Variants in ITFG1 observed in about 807,000 individuals in gnomAD.
The protein encoded by ITFG1 is integrin alpha FG-GAP repeat containing 1.
Under a neutral mutation model 81.8 loss-of-function variants are expected in ITFG1, and 34 were observed. The observed-to-expected ratio is 0.42, with a 90% confidence interval of 0.32 to 0.55. The LOEUF (loss-of-function observed/expected upper bound fraction) is 0.55, where lower values mean the gene tolerates loss of function less well. Among genes scored for constraint, ITFG1 ranks in the 20% least tolerant of loss-of-function variants. The pLI is 0.17. For missense variants in ITFG1, 672 were observed against 755.4 expected, an observed-to-expected ratio of 0.89 and a Z score of 1.29; for synonymous variants, 285 against 270.6, an observed-to-expected ratio of 1.05 and a Z score of -0.52.
intron 8 of ITFG1, among the ~76,000 whole-genome samples, chr16:47,351,818 A>T (rs1967961090): frequency 6.6e-6 from 1 of 152,186 alleles, no homozygotes; most frequent in South Asian, 2.1e-4. Flanking sequence ...ACTATACTAC[A>T]AGGCTACAGT....
chr16:47,378,179 C>T (rs1030128411), intron 6 of ITFG1, among the ~76,000 whole-genome samples: 2 of 152,134 alleles, frequency 1.3e-5, no homozygotes, highest in African/African-American at 2.4e-5. Context: ...TTTGAAAGAA[C>T]TAAAACTGAG....
intron 10 of ITFG1, among the ~76,000 whole-genome samples, chr16:47,272,106 C>T (rs1045915594): frequency 3.3e-5 from 5 of 152,098 alleles, no homozygotes; most frequent in African/African-American, 4.8e-5. Context: ...CTACACACTA[C>T]GACATAGAAA....
intron 6 of ITFG1, among the ~76,000 whole-genome samples, chr16:47,409,889 A>G (rs368817892): frequency 2.0e-5 from 3 of 152,208 alleles, no homozygotes; most frequent in Non-Finnish European, 2.9e-5. Context: ...TTATACAACA[A>G]GCTGGAGATA....
chr16:47,187,887 A>C (rs1355764163), intron 14 of ITFG1, among the ~76,000 whole-genome samples: 1 of 151,976 alleles, frequency 6.6e-6, no homozygotes, highest in Non-Finnish European at 1.5e-5. Flanking sequence ...AATATCCAGA[A>C]TCTACAATGA....
At chr16:47,291,018 TG>T (rs1292054074) in intron 10 of ITFG1, among the ~76,000 whole-genome samples, 1 of 142 alleles carries the variant, frequency 7.0e-3, no homozygotes, top group East Asian at 0.12. Flanking sequence ...TATTGTCCTG[TG>T]GCCTGCTAGA....
intron 5 of ITFG1, among the ~76,000 whole-genome samples, chr16:47,436,067 T>C (rs1160600071): frequency 6.6e-6 from 1 of 152,168 alleles, no homozygotes; most frequent in African/African-American, 2.4e-5. Flanking sequence ...TTGTACATCT[T>C]TCCCTTTTAT....
chr16:47,245,032 C>T (rs191217203), intron 12 of ITFG1, among the ~76,000 whole-genome samples: 21 of 152,244 alleles, frequency 1.4e-4, no homozygotes, highest in Non-Finnish European at 2.1e-4. Context: ...CAGACTAATA[C>T]ACATACATAC....
At chr16:47,293,416 T>C (rs973992326) in intron 10 of ITFG1, among the ~76,000 whole-genome samples, 1 of 151,964 alleles carries the variant, frequency 6.6e-6, no homozygotes, top group South Asian at 2.1e-4. Context: ...TTTTAGTTCT[T>C]TGTGAAGTCT....
intron 14 of ITFG1, among the ~76,000 whole-genome samples, chr16:47,185,542 A>C (rs1173450449): frequency 7.9e-5 from 12 of 152,314 alleles, no homozygotes; most frequent in Non-Finnish European, 1.5e-5. Flanking sequence ...AGGCAGAAAT[A>C]AAGATGTTCT....
At chr16:47,412,285 T>C (rs1423987917) in intron 6 of ITFG1, among the ~76,000 whole-genome samples, 2 of 151,996 alleles carry the variant, frequency 1.3e-5, no homozygotes, top group Non-Finnish European at 2.9e-5. Context: ...ATGACAGTCA[T>C]AGAATTCAGA....
At chr16:47,312,923 AT>A (rs1967289589) in intron 9 of ITFG1, 1 of 152,210 alleles carries the variant, frequency 6.6e-6, no homozygotes, top group Non-Finnish European at 1.5e-5. Context: ...TTATGAACCA[AT>A]GATAGTTACT....
At chr16:47,254,625 T>A (rs924623044) in intron 12 of ITFG1, among the ~76,000 whole-genome samples, 5 of 152,162 alleles carry the variant, frequency 3.3e-5, no homozygotes, top group Admixed American at 3.3e-4. Flanking sequence ...ACTTTTAGTA[T>A]AAAAGTAGTT....
At chr16:47,276,201 G>A (rs1966397003) in intron 10 of ITFG1, among the ~76,000 whole-genome samples, 1 of 152,008 alleles carries the variant, frequency 6.6e-6, no homozygotes, top group Non-Finnish European at 1.5e-5. Flanking sequence ...TCAGATTGAT[G>A]AATATAAGAT....
chr16:47,423,413 G>C (rs1012173579), intron 6 of ITFG1, among the ~76,000 whole-genome samples: 4 of 152,002 alleles, frequency 2.6e-5, no homozygotes, highest in Non-Finnish European at 4.4e-5. Flanking sequence ...CTTTAAACTG[G>C]GGCATTTAGC....
At chr16:47,384,242 T>TA (rs1202042751) in intron 6 of ITFG1, among the ~76,000 whole-genome samples, 1 of 152,218 alleles carries the variant, frequency 6.6e-6, no homozygotes, top group African/African-American at 2.4e-5. Context: ...CAAAACATGA[T>TA]ACAGGTGGTC....
At chr16:47,445,298 T>C (rs1969310950) in intron 5 of ITFG1, among the ~76,000 whole-genome samples, 1 of 147,886 alleles carries the variant, frequency 6.8e-6, no homozygotes, top group South Asian at 2.2e-4. Flanking sequence ...TTGATATCTA[T>C]GGGTTTTCAC....
At position 47,313,737 on chromosome 16, in the gene ITFG1, T is replaced by A; in HGVS notation, c.889A>T (p.Met297Leu). 6.4e-7 allele frequency: 1 copy of A among 1,573,070 alleles called. No homozygotes were observed. The highest frequency in any genetic ancestry group is 8.7e-7 in the Non-Finnish European group (1 of 1,148,812). The change falls in exon 9 of 18, where the codon ATG (methionine) becomes TTG (leucine). Residue 297 changes from methionine (M) to leucine (L), a missense_variant. Physicochemically the swap from Met to Leu is conservative, Grantham distance 15. Transcript: ENST00000320640. The part of the protein sequence containing the change: ...KSTIYLVRSG[M>L]KQWVPVLQDF... Reference sequence around the variant, plus strand: ...AAAACAACTTGATATACCTGCTTCATCCCAGATCTCACTAAGTAGATGGTA... The same window carrying A: ...AAAACAACTTGATATACCTGCTTCAACCCAGATCTCACTAAGTAGATGGTA...
intron 7 of ITFG1, 144 bp from the exon 8 acceptor site, chr16:47,366,013 T>G: frequency 1.9e-6 from 1 of 534,430 alleles, no homozygotes; most frequent in South Asian, 3.5e-5. Flanking sequence ...ATCTCCTGTT[T>G]CACTTTTATT....
chr16:47,401,670 T>G (rs994129359), intron 6 of ITFG1, among the ~76,000 whole-genome samples: 1 of 152,180 alleles, frequency 6.6e-6, no homozygotes, highest in Non-Finnish European at 1.5e-5. Context: ...AGTTAACTAT[T>G]AAATGGAACA....
Sources: gnomAD v4.1 joint callset for allele counts (sites outside exome capture counted in the v4.1 genomes callset) on GRCh38, gnomAD v4.1.1 for gene constraint, MANE v1.5 for transcripts, NCBI Gene and HGNC (gene_info 2026-07-23, HGNC 2026-07-21) for gene names.